Variants in PCDHGA7 observed in about 807,000 individuals in gnomAD.
PCDHGA7 encodes protocadherin gamma subfamily A, 7.
A neutral mutation model predicts 58.3 loss-of-function variants in PCDHGA7; 44 were observed. That is an observed-to-expected ratio of 0.75 (90% CI 0.59 to 0.97). The LOEUF (loss-of-function observed/expected upper bound fraction) is 0.97. Ranked by LOEUF, PCDHGA7 falls within the 50% of genes least tolerant of loss-of-function variation. PCDHGA7 has a pLI of 0.00. For synonymous variants in PCDHGA7, 516 were observed against 504.2 expected (o/e 1.02, Z -0.31); for missense variants, 1,266 against 1,188.7 (o/e 1.06, Z -0.96).
chr5:141,498,065 G>C (rs1197771947), intron 2 of PCDHGA7, among the ~76,000 whole-genome samples: 1 of 152,220 alleles, frequency 6.6e-6, no homozygotes, highest in Non-Finnish European at 1.5e-5. Context: ...GACTGAAACT[G>C]TCATAAGTGC....
In PCDHGA7 at chr5:141,476,762, G is replaced by A. The variant is rs1338892879; in HGVS notation, c.2425-18045G>A. The A allele has an allele frequency of 6.2e-7, 1 of 1,613,848 alleles. No individual in the cohort carries two copies. ...GCCTAGTCTCCAGTTAGTGCTGACG[G>A]CGTTGGACGGAGGGACCCCAGCTCT... On this transcript the variant is annotated intron_variant, in intron 1 of 3. Coordinates refer to ENST00000518325, the MANE Select transcript of PCDHGA7 (RefSeq NM_018920.4). The surrounding 1 kb of genome is among the most constrained non-coding windows in gnomAD (Gnocchi z 7.6).
At chr5:141,505,913 T>C (rs1457583355) in intron 3 of PCDHGA7, among the ~76,000 whole-genome samples, 1 of 152,098 alleles carries the variant, frequency 6.6e-6, no homozygotes, top group African/African-American at 2.4e-5. Context: ...AAGCATAGAG[T>C]TCTGGGCCTG....
At chr5:141,470,124 G>A (rs1038487398) in intron 1 of PCDHGA7, among the ~76,000 whole-genome samples, 4 of 151,358 alleles carry the variant, frequency 2.6e-5, no homozygotes, top group African/African-American at 9.7e-5. Flanking sequence ...GCAAGACTTC[G>A]TCTCAAAAAA....
intron 3 of PCDHGA7, 134 bp downstream of exon 3, chr5:141,505,615 C>T: frequency 2.0e-6 from 3 of 1,504,946 alleles, no homozygotes; most frequent in Non-Finnish European, 1.8e-6. Flanking sequence ...TCTGAAAGGA[C>T]CCACAATTCC....
At chr5:141,395,815 A>T (rs1243382510) in intron 1 of PCDHGA7, 1 of 152,044 alleles carries the variant, frequency 6.6e-6, no homozygotes, top group Non-Finnish European at 1.5e-5. Context: ...AAACATGAAC[A>T]AACTTTAAAG....
chr5:141,419,402 T>G (rs2096376244), intron 1 of PCDHGA7: 1 of 1,613,378 alleles, frequency 6.2e-7, no homozygotes, highest in African/African-American at 1.3e-5. Flanking sequence ...CGGGGTGGTG[T>G]TCGCGCAGCG....
chr5:141,394,358 T>C (rs535265859), intron 1 of PCDHGA7: 13 of 1,614,188 alleles, frequency 8.1e-6, no homozygotes, highest in Middle Eastern at 1.6e-4. Flanking sequence ...GTGTCCTGTA[T>C]GCGCTGCAAT....
Position 141,421,230 on chromosome 5 carries a change from G to A in PCDHGA7, c.2424+35907G>A, listed in dbSNP as rs530853994. 1.9e-6 allele frequency: 3 copies of A among 1,590,132 alleles called. No individual in the cohort carries two copies. The East Asian group carries it at 6.7e-5, about 36-fold the overall frequency. The stretch of plus-strand genomic sequence containing the variant: ...GGAATATCGGCTTAGAGCCTGCCAT[G>A]GCGAATCGGCTACAGCGCGGGGACC... On this transcript the variant is annotated intron_variant, in intron 1 of 3. Coordinates refer to ENST00000518325, the MANE Select transcript of PCDHGA7 (RefSeq NM_018920.4).
chr5:141,385,984 T>C (rs75507773), intron 1 of PCDHGA7: 11 of 152,336 alleles, frequency 7.2e-5, no homozygotes, highest in African/African-American at 1.7e-4. Context: ...CAATAAAATA[T>C]GTCAAATAAA....
intron 1 of PCDHGA7, among the ~76,000 whole-genome samples, chr5:141,473,390 A>T (rs554428702): frequency 1.3e-5 from 2 of 152,190 alleles, no homozygotes; most frequent in Non-Finnish European, 2.9e-5. Flanking sequence ...GCCCTCCTGG[A>T]GCTTCTTTTT....
chr5:141,491,871 C>T lies in PCDHGA7; in HGVS notation c.2425-2936C>T, dbSNP rs1222191027. 2.1e-6 allele frequency: 3 copies of T among 1,451,434 alleles called. No individual in the cohort carries two copies. Among genetic ancestry groups the T allele is most frequent in the Non-Finnish European group, 2.7e-6 (3 of 1,098,418 alleles). 89.9% of individuals were successfully genotyped at this position (1,451,434 alleles called of 1,614,324 possible). ...ACCGTTTGCGCGAAACCAGAGTGGC[C>T]GATTAAGGGATGGGGCTCCGAGCAC... On this transcript the variant is annotated intron_variant, in intron 1 of 3. Transcript: ENST00000518325. The surrounding 1 kb of genome is among the most constrained non-coding windows in gnomAD (Gnocchi z 6.9).
chr5:141,415,885 C>A (rs778154458), intron 1 of PCDHGA7: 7 of 978,904 alleles, frequency 7.2e-6, no homozygotes, highest in Non-Finnish European at 9.6e-6. Context: ...ACAATATTGA[C>A]AATTCCTAAG....
intron 1 of PCDHGA7, chr5:141,423,750 TGGGGG>T: frequency 5.2e-5 from 15 of 287,416 alleles, no homozygotes; most frequent in Non-Finnish European, 6.3e-5. Context: ...GAAAACTGTT[TGGGGG>T]GGGGGTGGGG....
chr5:141,461,510 G>T (rs2099016853), intron 1 of PCDHGA7, among the ~76,000 whole-genome samples: 1 of 152,014 alleles, frequency 6.6e-6, no homozygotes, highest in Non-Finnish European at 1.5e-5. Context: ...TTGGTGATTT[G>T]TTAGTTCCTT....
At chr5:141,449,876 C>T (rs924666805) in intron 1 of PCDHGA7, among the ~76,000 whole-genome samples, 1 of 151,724 alleles carries the variant, frequency 6.6e-6, no homozygotes, top group African/African-American at 2.4e-5. Context: ...AATTTAACAT[C>T]AATGCAATAT....
chr5:141,501,017 C>T (rs1383853662), intron 2 of PCDHGA7, among the ~76,000 whole-genome samples: 5 of 151,866 alleles, frequency 3.3e-5, no homozygotes, highest in African/African-American at 7.3e-5. Flanking sequence ...TACAGGCACG[C>T]GCCACCACGC....
rs755706235 is a variant in PCDHGA7 at position 141,476,450 on chromosome 5, G to A, written c.2425-18357G>A. ...TTGCACTGTAACTCTGGAGTTGGTA[G>A]TGGAGAACCCGCTGGAGCTGTTCAG... On this transcript the variant is annotated intron_variant, in intron 1 of 3. Transcript: ENST00000518325. The surrounding 1 kb of genome is among the most constrained non-coding windows in gnomAD (Gnocchi z 7.6). The A allele has an allele frequency of 6.2e-7, 1 of 1,614,180 alleles. No individual in the cohort carries two copies. The highest frequency in any genetic ancestry group is 8.5e-7 in the Non-Finnish European group (1 of 1,180,040).
Position 141,485,181 on chromosome 5 carries a change from G to C in PCDHGA7, c.2425-9626G>C. 1 of 1,612,942 alleles carries C rather than the reference G, an allele frequency of 6.2e-7. No individual in the cohort carries two copies. Among genetic ancestry groups the C allele is most frequent in the East Asian group, 2.2e-5 (1 of 44,868 alleles). On this transcript the variant is annotated intron_variant, in intron 1 of 3. Transcript: ENST00000518325. This position sits in a 1 kb window ranked among gnomAD's most constrained non-coding sequence, Gnocchi z 5.7. ...AATTAGCGGGCGGCAGCAATGCTCC[G>C]CAAGGTGAGAAGCTGGACAGAAATC...
Position 141,431,612 on chromosome 5 carries a change from G to T in PCDHGA7, c.2424+46289G>T, listed in dbSNP as rs79883194. 6.2e-7 allele frequency: 1 copy of T among 1,614,244 alleles called. No homozygotes were observed. The highest frequency in any genetic ancestry group is 2.2e-5 in the East Asian group (1 of 44,880). Reference sequence around the variant, plus strand: ...AGTGAGGTATTCCTTCCGGTATGTGGACGACAAGGCGGCCCAAGTTTTCAA... The same window carrying T: ...AGTGAGGTATTCCTTCCGGTATGTGTACGACAAGGCGGCCCAAGTTTTCAA... On this transcript the variant is annotated intron_variant, in intron 1 of 3. Transcript: ENST00000518325. The surrounding 1 kb of genome is among the most constrained non-coding windows in gnomAD (Gnocchi z 4.8).
Sources: allele counts gnomAD v4.1 joint callset (sites outside exome capture counted in the v4.1 genomes callset), GRCh38; gene constraint gnomAD v4.1.1; non-coding constraint Gnocchi (gnomAD v3.1); transcripts MANE v1.5; gene names NCBI Gene and HGNC (gene_info 2026-07-23, HGNC 2026-07-21).